The following SYT17 variants were observed in gnomAD, a reference collection of about 807,000 sequenced individuals.
The protein encoded by SYT17 is synaptotagmin 17.
In SYT17, 22 loss-of-function variants were observed where a neutral mutation model predicts 46.7. That is an observed-to-expected ratio of 0.47 (90% CI 0.34 to 0.67). The LOEUF is 0.67. Ranked by LOEUF, SYT17 falls within the 30% of genes least tolerant of loss-of-function variation. The pLI, the probability that SYT17 is intolerant of heterozygous loss-of-function variation, is 0.01. For synonymous variants in SYT17, 251 were observed against 248.4 expected, an observed-to-expected ratio of 1.01 and a Z score of -0.10; for missense variants, 519 against 612.8, an observed-to-expected ratio of 0.85 and a Z score of 1.62.
At chr16:19,228,412 T>C (rs1282456202) in intron 7 of SYT17, among the ~76,000 whole-genome samples, 3 of 152,140 alleles carry the variant, frequency 2.0e-5, no homozygotes, top group African/African-American at 7.2e-5. Context: ...AAATATTCTT[T>C]CTGGAGAAGG....
intron 7 of SYT17, among the ~76,000 whole-genome samples, chr16:19,265,897 G>A (rs548305860): frequency 1.2e-4 from 18 of 152,330 alleles, no homozygotes; most frequent in South Asian, 2.1e-4. Context: ...AGAAGTTGCC[G>A]TAGCCATTAC....
chr16:19,238,409 A>G (rs1966878496), intron 7 of SYT17, among the ~76,000 whole-genome samples: 2 of 152,216 alleles, frequency 1.3e-5, no homozygotes, highest in African/African-American at 4.8e-5. Context: ...GTCAGGAGAT[A>G]GAAGCATAGA....
intron 7 of SYT17, among the ~76,000 whole-genome samples, chr16:19,242,689 C>T (rs764080193): frequency 3.9e-5 from 6 of 151,934 alleles, no homozygotes; most frequent in Non-Finnish European, 8.8e-5. Flanking sequence ...CCATGCCTGG[C>T]TAATTTTTGT....
At chr16:19,244,222 G>A (rs1044609823) in intron 7 of SYT17, among the ~76,000 whole-genome samples, 9 of 152,208 alleles carry the variant, frequency 5.9e-5, no homozygotes, top group African/African-American at 2.2e-4. Flanking sequence ...GATCTCATAT[G>A]ACTCACTACA....
intron 5 of SYT17, among the ~76,000 whole-genome samples, chr16:19,205,134 T>C (rs1596947557): frequency 6.6e-6 from 1 of 152,322 alleles, no homozygotes; most frequent in South Asian, 2.1e-4. Context: ...TACAGTAAAA[T>C]AAATGTCAGT....
intron 3 of SYT17, among the ~76,000 whole-genome samples, chr16:19,174,643 C>T (rs1567196766): frequency 6.6e-6 from 1 of 152,160 alleles, no homozygotes; most frequent in Non-Finnish European, 1.5e-5. Flanking sequence ...GTCTCAACTA[C>T]TATTTCGAGT....
In SYT17 at chr16:19,235,390, C is replaced by A. The variant is rs933866214; in HGVS notation, c.1228+10552C>A. On this transcript the variant is annotated intron_variant, in intron 7 of 7. Transcript: ENST00000355377. Reference sequence around the variant, plus strand: ...AGGCCTTTGAAAACTGAACTGACATCAAAATAACAGCAAACAGAAGGCAGG... The same window carrying A: ...AGGCCTTTGAAAACTGAACTGACATAAAAATAACAGCAAACAGAAGGCAGG... 5.9e-5 allele frequency among the ~76,000 whole-genome samples: 9 copies of A among 152,106 alleles called. No individual in the cohort carries two copies. In the South Asian group the frequency reaches 6.2e-4, roughly 10 times the overall value.
At chr16:19,191,597 G>A (rs1448252024) in intron 5 of SYT17, among the ~76,000 whole-genome samples, 1 of 152,188 alleles carries the variant, frequency 6.6e-6, no homozygotes, top group Non-Finnish European at 1.5e-5. Context: ...CAGTGAGGAA[G>A]TGTACCAATG....
chr16:19,241,189 C>T (rs190903822), intron 7 of SYT17, among the ~76,000 whole-genome samples: 2,390 of 151,992 alleles, frequency 0.016, 56 homozygotes, highest in African/African-American at 0.055. Flanking sequence ...CCTCGTGATC[C>T]GCCCGCCTCG....
At chr16:19,265,497 A>G (rs1052890626) in intron 7 of SYT17, among the ~76,000 whole-genome samples, 4 of 152,026 alleles carry the variant, frequency 2.6e-5, no homozygotes, top group African/African-American at 9.7e-5. Context: ...CCTCATTTTC[A>G]TCATTTGGAA....
chr16:19,193,100 CTCTGCCACTTAGGGG>C (rs1355555700), intron 5 of SYT17, among the ~76,000 whole-genome samples: 1 of 152,216 alleles, frequency 6.6e-6, no homozygotes, highest in Non-Finnish European at 1.5e-5. Context: ...TAAAACTTGG[CTCTGCCACTTAGGGG>C]TTGGATGTTG....
chr16:19,217,082 G>A (rs1966123970), intron 5 of SYT17, among the ~76,000 whole-genome samples: 1 of 152,156 alleles, frequency 6.6e-6, no homozygotes, highest in South Asian at 2.1e-4. Flanking sequence ...TTTAACTGGT[G>A]TAAGATGATA....
At chr16:19,225,956 G>T (rs921842029) in intron 7 of SYT17, among the ~76,000 whole-genome samples, 2 of 152,176 alleles carry the variant, frequency 1.3e-5, no homozygotes, top group Non-Finnish European at 2.9e-5. Context: ...ATTACACAAG[G>T]GTAGGAAGAG....
chr16:19,201,342 G>A (rs1156288852), intron 5 of SYT17, among the ~76,000 whole-genome samples: 1 of 152,176 alleles, frequency 6.6e-6, no homozygotes, highest in African/African-American at 2.4e-5. Context: ...AACCCTAGGA[G>A]TTCCCTGAGC....
At chr16:19,254,646 T>C (rs1035182846) in intron 7 of SYT17, among the ~76,000 whole-genome samples, 1 of 152,220 alleles carries the variant, frequency 6.6e-6, no homozygotes, top group African/African-American at 2.4e-5. Context: ...ATGACGTAGA[T>C]GAAATATTGT....
chr16:19,211,257 G>A (rs750283584), intron 5 of SYT17: 15 of 549,036 alleles, frequency 2.7e-5, no homozygotes, highest in Non-Finnish European at 4.9e-5. Flanking sequence ...TCCTTCTCCT[G>A]TCTTGGCTTC....
intron 4 of SYT17, among the ~76,000 whole-genome samples, chr16:19,182,569 C>T (rs1308308298): frequency 1.3e-5 from 2 of 152,188 alleles, no homozygotes; most frequent in Admixed American, 6.5e-5. Context: ...TTCTAAGTCT[C>T]ATGCCCAGCT....
chr16:19,245,541 C>T (rs1177982494), intron 7 of SYT17, among the ~76,000 whole-genome samples: 1 of 152,174 alleles, frequency 6.6e-6, no homozygotes, highest in East Asian at 1.9e-4. Flanking sequence ...GGCTTGTTTA[C>T]TCTCCTTATG....
At chr16:19,212,140 G>T (rs1230149523) in intron 5 of SYT17, among the ~76,000 whole-genome samples, 1 of 152,160 alleles carries the variant, frequency 6.6e-6, no homozygotes, top group African/African-American at 2.4e-5. Flanking sequence ...ACTGGGGAGA[G>T]GGGTGATGCC....
Sources: gnomAD v4.1 joint callset for allele counts (sites outside exome capture counted in the v4.1 genomes callset) on GRCh38, gnomAD v4.1.1 for gene constraint, MANE v1.5 for transcripts, NCBI Gene and HGNC (gene_info 2026-07-23, HGNC 2026-07-21) for gene names.